PKMYT1: variants seen among roughly 807,000 people sequenced by gnomAD.
PKMYT1 encodes the protein protein kinase, membrane associated tyrosine/threonine 1.
In PKMYT1, 35 loss-of-function variants were observed where a neutral mutation model predicts 49.7. The ratio of observed to expected loss-of-function variants is 0.70; its 90% CI spans 0.54 to 0.93. The LOEUF is 0.93. Among genes scored for constraint, PKMYT1 ranks in the 40% least tolerant of loss-of-function variants. The pLI, the probability that PKMYT1 is intolerant of heterozygous loss-of-function variation, is 0.00. For missense variants in PKMYT1, 677 were observed against 673.1 expected, an observed-to-expected ratio of 1.01 and a Z score of -0.06; for synonymous variants, 331 against 287.6, an observed-to-expected ratio of 1.15 and a Z score of -1.53.
In PKMYT1 at chr16:2,977,812, A is replaced by G. The variant is rs4149773; in HGVS notation, c.11-781T>C. Among the ~76,000 whole-genome samples, 1,130 of 152,286 alleles carry G rather than the reference A, an allele frequency of 7.4e-3. 9 individuals carry two copies. Among genetic ancestry groups the G allele is most frequent in the Non-Finnish European group, 9.9e-3 (676 of 68,010 alleles). ...CTCCCCCAGCTCCCCGTCAAGGGTTAGGGTGTTTGCCCAGGAGGGCCAGGT... is the reference window on the plus strand; with the variant it reads ...CTCCCCCAGCTCCCCGTCAAGGGTTGGGGTGTTTGCCCAGGAGGGCCAGGT... On this transcript the variant is annotated intron_variant, in intron 2 of 8. Coordinates refer to ENST00000262300, the MANE Select transcript of PKMYT1 (RefSeq NM_004203.5).
chr16:2,972,896 G>A lies in PKMYT1; in HGVS notation c.*57C>T, dbSNP rs1194096713. On this transcript the variant is annotated 3_prime_UTR_variant, in exon 9 of 9. Coordinates refer to ENST00000262300, the MANE Select transcript of PKMYT1 (RefSeq NM_004203.5). ...GTTCCCGAGGGGCCCCAGCTTTCAA[G>A]GGCGACGGGAGAGACACAGGATAAA... The A allele has an allele frequency of 1.3e-6, 2 of 1,550,226 alleles. No homozygotes were observed. The highest frequency in any genetic ancestry group is 2.3e-5 in the East Asian group (1 of 43,096).
Position 2,977,033 on chromosome 16 carries a change from TG to T in PKMYT1, c.11-3del. The stretch of plus-strand genomic sequence containing the variant: ...TGGGCATGGCCAGTGCAGGAGGCCC[TG>T]GGGGCAGAGACAGAGGCTGAGTACA... On this transcript the variant is annotated splice_polypyrimidine_tract_variant and splice_region_variant and intron_variant, in intron 2 of 8. Coordinates refer to ENST00000262300, the MANE Select transcript of PKMYT1 (RefSeq NM_004203.5). The T allele has an allele frequency of 6.3e-7, 1 of 1,588,922 alleles. No homozygotes were observed.
intron 2 of PKMYT1, among the ~76,000 whole-genome samples, chr16:2,977,985 G>A (rs904056924): frequency 3.2e-4 from 48 of 152,202 alleles, no homozygotes; most frequent in South Asian, 4.1e-4. Context: ...TGGGAACATG[G>A]AGCCCCAGCT....
chr16:2,978,747 C>CAA (rs145730606), intron 2 of PKMYT1, among the ~76,000 whole-genome samples: 171 of 133,870 alleles, frequency 1.3e-3, no homozygotes, highest in African/African-American at 3.6e-3. Flanking sequence ...GACTCTGTCT[C>CAA]AAAAAAAAAA....
intron 3 of PKMYT1, 175 bp from the exon 4 acceptor site, chr16:2,975,987 T>G: frequency 5.8e-6 from 4 of 685,314 alleles, no homozygotes; most frequent in Non-Finnish European, 9.5e-6. Flanking sequence ...CAAACCTCCA[T>G]CCCTCGGGCT....
Position 2,976,692 on chromosome 16 carries a change from C to T in PKMYT1, c.350G>A (p.Gly117Asp). Residue 117 changes from glycine (G) to aspartate (D), a missense_variant, in exon 3 of 9, where the codon GGC becomes GAC. Physicochemically the swap from Gly to Asp is moderately conservative, Grantham distance 94 (BLOSUM62 -1). Coordinates refer to ENST00000262300, the MANE Select transcript of PKMYT1 (RefSeq NM_004203.5). The stretch of plus-strand genomic sequence containing the variant: ...GAAGACCTCTCCGTAGGAGCCATGG[C>T]CCAGGCGGCTGAGCCTCTGGAAGCT... ...QQSFQRLSRL[G>D]HGSYGEVFKV... 1.3e-6 allele frequency: 2 copies of T among 1,488,112 alleles called. No homozygotes were observed. The highest frequency in any genetic ancestry group is 1.8e-6 in the Non-Finnish European group (2 of 1,116,740). 92.2% of individuals were successfully genotyped at this position (1,488,112 alleles called of 1,614,324 possible).
At chr16:2,973,560 G>A (rs1220394848) in intron 7 of PKMYT1, 5 of 814,008 alleles carry the variant, frequency 6.1e-6, no homozygotes, top group South Asian at 3.4e-5. Context: ...AGGGGCTAAC[G>A]GCAGAGTCCC....
At position 2,974,329 on chromosome 16, in the gene PKMYT1, C is replaced by T. The variant is rs1203226485; in HGVS notation, c.1068G>A (p.Leu356=). The T allele has an allele frequency of 1.9e-6, 3 of 1,606,304 alleles. No individual in the cohort carries two copies. The African/African-American group carries it at 4.0e-5, about 21-fold the overall frequency. Reference sequence around the variant, plus strand: ...AGGCCCGCGGCTGCCTCAACACAGGCAGTGCCAGCAGGGCCTCGGCCGTGG... The same window carrying T: ...AGGCCCGCGGCTGCCTCAACACAGGTAGTGCCAGCAGGGCCTCGGCCGTGG... ...LRATAEALLA[L]PVLRQPRAWG... is the part of the protein sequence containing the mutation. The change falls in exon 6 of 9, where the codon CTG becomes CTA. Residue 356 remains leucine, a synonymous_variant. Transcript: ENST00000262300.
chr16:2,977,380 A>ACGG, intron 2 of PKMYT1: 1 of 985,126 alleles, frequency 1.0e-6, no homozygotes, highest in Non-Finnish European at 1.2e-6. Context: ...TTGATCCTAA[A>ACGG]CTACACAACC....
rs763540977 is a variant in PKMYT1 at position 2,974,667 on chromosome 16, C to A, written c.873-11G>T. ...ATGGTGAGGCCCAGACTGGCAGGGA[C>A]GGGATGGGGACAGAAAGGGGCAGGG... is the stretch of plus-strand genomic sequence containing the variant. On this transcript the variant is annotated splice_polypyrimidine_tract_variant and intron_variant, in intron 4 of 8. Coordinates refer to ENST00000262300, the MANE Select transcript of PKMYT1 (RefSeq NM_004203.5). The A allele has an allele frequency of 6.5e-7, 1 of 1,537,988 alleles. No individual in the cohort carries two copies. The highest frequency in any genetic ancestry group is 1.2e-5 in the South Asian group (1 of 83,956).
intron 3 of PKMYT1, chr16:2,976,200 T>C: frequency 4.2e-6 from 1 of 236,906 alleles, no homozygotes; most frequent in South Asian, 1.4e-4. Flanking sequence ...ATTGTCTTCA[T>C]ACAGGACTCA....
Position 2,974,225 on chromosome 16 carries a change from C to T in PKMYT1, c.1152+20G>A, listed in dbSNP as rs574244504. ...GGGGCTGGGGAGCAGGGCAGGCAGC[C>T]GCCACTGTCGGGAGCTTACCTGCCA... On this transcript the variant is annotated intron_variant, in intron 6 of 8. Coordinates refer to ENST00000262300, the MANE Select transcript of PKMYT1 (RefSeq NM_004203.5). 19 of 1,556,682 alleles carry T rather than the reference C, an allele frequency of 1.2e-5. No individual in the cohort carries two copies. The highest frequency in any genetic ancestry group is 2.7e-5 in the African/African-American group (2 of 73,558).
At chr16:2,977,298 C>A in intron 2 of PKMYT1, 1 of 1,298,514 alleles carries the variant, frequency 7.7e-7, no homozygotes. Context: ...GTCTTGCAGT[C>A]GGGTTAAGAG....
rs2072224270 is a variant in PKMYT1 at position 2,977,286 on chromosome 16, G to C, written c.11-255C>G. ...AAAACCATGGGGCCCGTGTTCTTGA[G>C]GGTCTTGCAGTCGGGTTAAGAGCAA... is the stretch of plus-strand genomic sequence containing the variant. On this transcript the variant is annotated intron_variant, in intron 2 of 8. Transcript: ENST00000262300. 5 of 1,341,530 alleles carry C rather than the reference G, an allele frequency of 3.7e-6. No homozygotes were observed. In the African/African-American group the frequency reaches 4.4e-5, roughly 12 times the overall value. 83.1% of individuals were successfully genotyped at this position (1,341,530 alleles called of 1,614,324 possible). A position where few individuals can be genotyped will look rare whatever the true frequency, so the allele number is the denominator to read the frequency against.
chr16:2,977,612 A>C, intron 2 of PKMYT1: 1 of 511,200 alleles, frequency 2.0e-6, no homozygotes, highest in African/African-American at 2.1e-5. Context: ...GCCTCTGGGC[A>C]TGGTGCCCAG....
At chr16:2,976,088 A>C (rs1452276216) in intron 3 of PKMYT1, 1 of 435,262 alleles carries the variant, frequency 2.3e-6, no homozygotes, top group East Asian at 3.6e-5. Context: ...TGGAAAAAGC[A>C]GCTGCAGAGC....
At chr16:2,976,564 G>A (rs973521571) in intron 3 of PKMYT1, 100 bp downstream of exon 3, 23 of 1,211,568 alleles carry the variant, frequency 1.9e-5, no homozygotes, top group African/African-American at 3.1e-5. Context: ...TGTAGGGAAC[G>A]GAAGGGGATC....
rs2072212469 is a variant in PKMYT1 at position 2,976,932 on chromosome 16, G to A, written c.110C>T (p.Pro37Leu). 5 of 1,549,132 alleles carry A rather than the reference G, an allele frequency of 3.2e-6. No individual in the cohort carries two copies. The South Asian group carries it at 5.9e-5, about 18-fold the overall frequency. The change falls in exon 3 of 9, where the codon CCT becomes CTT. Residue 37 changes from proline to leucine, a missense_variant. By Grantham distance (98) the Pro-to-Leu change is moderately conservative. Transcript: ENST00000262300. ...PVPAYFRHAE[P>L]GFSLKRPRGL... ...CCTGGGCCTCTTGAGGGAGAATCCA[G>A]GTTCTGCGTGGCGGAAGTAGGCTGG...
chr16:2,973,133 C>A lies in PKMYT1; in HGVS notation c.1388+5G>T. On this transcript the variant is annotated splice_donor_5th_base_variant and intron_variant, in intron 8 of 8. Transcript: ENST00000262300. ...CTGCCCACCCCAGCCCCTGGACCTG[C>A]TTACCTGGGTGTGCACCTGCTCCGG... The A allele has an allele frequency of 6.4e-7, 1 of 1,553,972 alleles. No individual in the cohort carries two copies. The highest frequency in any genetic ancestry group is 1.2e-5 in the South Asian group (1 of 84,752).
Sources: allele counts gnomAD v4.1 joint callset (sites outside exome capture counted in the v4.1 genomes callset), GRCh38; gene constraint gnomAD v4.1.1; transcripts MANE v1.5; gene names NCBI Gene and HGNC (gene_info 2026-07-23, HGNC 2026-07-21).